The following PHACTR1 variants were observed in gnomAD, a reference collection of about 807,000 sequenced individuals.
PHACTR1 encodes RPEL repeat containing 1.
In PHACTR1, 16 loss-of-function variants were observed where a neutral mutation model predicts 69.2. The observed-to-expected ratio is 0.23, with a 90% CI of 0.16 to 0.35. The LOEUF is 0.35. Among genes scored for constraint, PHACTR1 ranks in the 10% least tolerant of loss-of-function variants. The pLI is 1.00. For missense variants in PHACTR1, 510 were observed against 734.7 expected (o/e 0.69, Z 3.54); for synonymous variants, 312 against 284.5 (o/e 1.10, Z -0.97).
At chr6:13,027,556 A>C (rs1801870072) in intron 4 of PHACTR1, among the ~76,000 whole-genome samples, 1 of 151,934 alleles carries the variant, frequency 6.6e-6, no homozygotes, top group African/African-American at 2.4e-5. Flanking sequence ...CTCTGATTAC[A>C]CTGTGAGAAA....
intron 4 of PHACTR1, among the ~76,000 whole-genome samples, chr6:13,034,332 C>G (rs1482635932): frequency 6.6e-6 from 1 of 152,174 alleles, no homozygotes; most frequent in Admixed American, 6.5e-5. Flanking sequence ...TTTTCTTTTT[C>G]TAATGCACAA....
At chr6:13,131,200 T>C (rs9463463) in intron 5 of PHACTR1, among the ~76,000 whole-genome samples, 758 of 34,566 alleles carry the variant, frequency 0.022, 16 homozygotes, top group African/African-American at 0.043. Flanking sequence ...CACATATATA[T>C]ATACACATAC....
At chr6:13,109,475 A>G (rs1816683687) in intron 5 of PHACTR1, among the ~76,000 whole-genome samples, 2 of 151,686 alleles carry the variant, frequency 1.3e-5, no homozygotes, top group Non-Finnish European at 2.9e-5. Context: ...TCTGGATTAC[A>G]TTATTTCTAA....
chr6:13,062,227 G>T (rs1011289526), intron 5 of PHACTR1, among the ~76,000 whole-genome samples: 4 of 152,148 alleles, frequency 2.6e-5, no homozygotes, highest in Non-Finnish European at 5.9e-5. Context: ...GAAAGTCTCA[G>T]GTACTCAGGT....
At chr6:13,016,690 A>C (rs368444065) in intron 4 of PHACTR1, among the ~76,000 whole-genome samples, 2 of 149,020 alleles carry the variant, frequency 1.3e-5, no homozygotes, top group East Asian at 2.0e-4. Context: ...TGCTAAACTT[A>C]TTTTAAGTAA....
At chr6:13,272,008 A>G (rs1777833429) in intron 10 of PHACTR1, among the ~76,000 whole-genome samples, 1 of 152,166 alleles carries the variant, frequency 6.6e-6, no homozygotes, top group Non-Finnish European at 1.5e-5. Flanking sequence ...CCTCATCCCA[A>G]TGGGTGAAGT....
intron 5 of PHACTR1, among the ~76,000 whole-genome samples, chr6:13,113,144 T>C (rs1817294467): frequency 6.6e-6 from 1 of 152,164 alleles, no homozygotes; most frequent in South Asian, 2.1e-4. Context: ...GAGGGTGCAG[T>C]GAGCTATGAT....
intron 5 of PHACTR1, among the ~76,000 whole-genome samples, chr6:13,105,573 G>A (rs909177974): frequency 1.3e-5 from 2 of 152,130 alleles, no homozygotes; most frequent in African/African-American, 2.4e-5. Flanking sequence ...TGTAAGGCAT[G>A]GTTGTGGTCC....
intron 4 of PHACTR1, among the ~76,000 whole-genome samples, chr6:13,017,893 T>C (rs372528017): frequency 6.6e-6 from 1 of 152,320 alleles, no homozygotes; most frequent in East Asian, 1.9e-4. Flanking sequence ...GACGTATTGA[T>C]TGCAACTGCT....
chr6:13,209,742 G>A lies in PHACTR1; in HGVS notation c.986+3606G>A, dbSNP rs570568026. The stretch of plus-strand genomic sequence containing the variant: ...CTCTGCTCCAACAGGACGTTCCCCA[G>A]GTCCCAACATAGCCTGCTTCATTGT... On this transcript the variant is annotated intron_variant, in intron 8 of 14. Transcript: ENST00000332995. Among the ~76,000 whole-genome samples, 11 of 152,302 alleles carry A rather than the reference G, an allele frequency of 7.2e-5. No homozygotes were observed. In the East Asian group the frequency reaches 1.4e-3, roughly 19 times the overall value.
intron 10 of PHACTR1, among the ~76,000 whole-genome samples, chr6:13,230,714 G>A (rs1770750799): frequency 6.6e-6 from 1 of 152,058 alleles, no homozygotes; most frequent in Non-Finnish European, 1.5e-5. Flanking sequence ...ATAATCATCT[G>A]TAGAAAAGCC....
intron 4 of PHACTR1, among the ~76,000 whole-genome samples, chr6:12,956,449 G>T (rs567404711): frequency 1.3e-5 from 2 of 152,184 alleles, no homozygotes; most frequent in African/African-American, 2.4e-5. Flanking sequence ...GGGACTGGGG[G>T]CATTGAGGAA....
At chr6:12,910,302 G>A (rs1786242343) in intron 4 of PHACTR1, among the ~76,000 whole-genome samples, 1 of 152,126 alleles carries the variant, frequency 6.6e-6, no homozygotes. Context: ...GGCCCCCCAG[G>A]ATGCATTTGT....
At chr6:12,952,277 T>C (rs1202704844) in intron 4 of PHACTR1, among the ~76,000 whole-genome samples, 1 of 152,228 alleles carries the variant, frequency 6.6e-6, no homozygotes, top group East Asian at 1.9e-4. Flanking sequence ...TCACTCTTGG[T>C]GCTGAACATT....
chr6:12,830,155 A>AAGAAAGAAAGAAAGAAAGAC (rs1561924078), intron 4 of PHACTR1, among the ~76,000 whole-genome samples: 2 of 143,256 alleles, frequency 1.4e-5, no homozygotes, highest in African/African-American at 5.1e-5. Context: ...GAAAGAAAGA[A>AAGAAAGAAAGAAAGAAAGAC]AGACATCTTC....
intron 4 of PHACTR1, among the ~76,000 whole-genome samples, chr6:13,010,985 C>T (rs969867014): frequency 7.2e-5 from 11 of 152,206 alleles, no homozygotes; most frequent in Admixed American, 6.5e-4. Flanking sequence ...CTGCCAGATT[C>T]GGCCACCTTC....
chr6:13,113,755 T>A (rs1221548310), intron 5 of PHACTR1, among the ~76,000 whole-genome samples: 2 of 152,136 alleles, frequency 1.3e-5, no homozygotes, highest in African/African-American at 2.4e-5. Context: ...CATGGCCCTG[T>A]CCGGTGTAGG....
intron 5 of PHACTR1, among the ~76,000 whole-genome samples, chr6:13,058,020 C>T (rs1170657880): frequency 1.3e-5 from 2 of 152,152 alleles, no homozygotes; most frequent in African/African-American, 2.4e-5. Context: ...GAAGACGATC[C>T]TCACATGCCT....
intron 4 of PHACTR1, among the ~76,000 whole-genome samples, chr6:12,997,025 C>A (rs765254894): frequency 6.6e-6 from 1 of 151,780 alleles, no homozygotes; most frequent in Non-Finnish European, 1.5e-5. Flanking sequence ...ATTAGCCACG[C>A]GTGTTGGCGC....
Sources: allele counts gnomAD v4.1 joint callset (sites outside exome capture counted in the v4.1 genomes callset), GRCh38; gene constraint gnomAD v4.1.1; transcripts MANE v1.5; gene names NCBI Gene and HGNC (gene_info 2026-07-23, HGNC 2026-07-21).